AUTS2: variants seen among roughly 807,000 people sequenced by gnomAD.
AUTS2 encodes the protein autism susceptibility gene 2 protein.
Under a neutral mutation model 112.4 loss-of-function variants are expected in AUTS2, and 17 were observed. The observed-to-expected ratio is 0.15, with a 90% CI of 0.10 to 0.23. The LOEUF (loss-of-function observed/expected upper bound fraction) is 0.23. AUTS2 is among the 10% of genes least tolerant of loss of function. The pLI, the probability that AUTS2 is intolerant of heterozygous loss-of-function variation, is 1.00. For synonymous variants in AUTS2, 751 were observed against 702.7 expected (o/e 1.07, Z -1.09); for missense variants, 1,510 against 1,701.6 (o/e 0.89, Z 1.98).
intron 1 of AUTS2, among the ~76,000 whole-genome samples, chr7:69,808,116 C>T (rs983101991): frequency 5.9e-5 from 9 of 151,980 alleles, no homozygotes; most frequent in South Asian, 2.1e-4. Flanking sequence ...TTAGTAGAGA[C>T]GGGGTTTTAC....
intron 5 of AUTS2, among the ~76,000 whole-genome samples, chr7:70,480,355 G>C (rs1160151511): frequency 6.6e-6 from 1 of 152,180 alleles, no homozygotes; most frequent in South Asian, 2.1e-4. Flanking sequence ...GGTAGAAATA[G>C]CTCAGAAGAA....
chr7:70,330,664 G>C (rs1585025091), intron 4 of AUTS2, among the ~76,000 whole-genome samples: 1 of 151,230 alleles, frequency 6.6e-6, no homozygotes, highest in African/African-American at 2.5e-5. Context: ...TCTGCAAAAA[G>C]ATCACTAGAA....
intron 5 of AUTS2, among the ~76,000 whole-genome samples, chr7:70,492,335 T>TTA (rs34391284): frequency 0.54 from 81,874 of 151,778 alleles, 23,310 homozygotes; most frequent in African/African-American, 0.71. Flanking sequence ...GCTGTTCATG[T>TTA]TGACACTGAT....
At chr7:70,217,283 A>G (rs1207962330) in intron 4 of AUTS2, among the ~76,000 whole-genome samples, 1 of 152,136 alleles carries the variant, frequency 6.6e-6, no homozygotes, top group Non-Finnish European at 1.5e-5. Context: ...ATAACCTGGG[A>G]TCTTGTGTTG....
chr7:70,773,993 C>A, intron 11 of AUTS2, 35 bp from the exon 12 acceptor site: 1 of 1,604,758 alleles, frequency 6.2e-7, no homozygotes, highest in Non-Finnish European at 8.5e-7. Flanking sequence ...CTGTTTTGTG[C>A]TTCCTAAGTA....
At chr7:69,789,665 A>G (rs558067158) in intron 1 of AUTS2, among the ~76,000 whole-genome samples, 1 of 152,130 alleles carries the variant, frequency 6.6e-6, no homozygotes, top group African/African-American at 2.4e-5. Flanking sequence ...CATCAGATGA[A>G]GTAGGGGCTT....
intron 4 of AUTS2, among the ~76,000 whole-genome samples, chr7:70,417,010 G>A (rs1795014274): frequency 1.3e-5 from 2 of 152,192 alleles, no homozygotes. Flanking sequence ...GGTCTCAGTG[G>A]TGGGCCAGCA....
intron 1 of AUTS2, among the ~76,000 whole-genome samples, chr7:69,707,133 G>A (rs1250889201): frequency 6.6e-6 from 1 of 152,106 alleles, no homozygotes; most frequent in East Asian, 1.9e-4. Context: ...AACTGTAAAA[G>A]CAAGATTTTT....
intron 1 of AUTS2, among the ~76,000 whole-genome samples, chr7:69,759,247 G>GTTTTTGATTTTT (rs1262692872): frequency 6.6e-6 from 1 of 151,612 alleles, no homozygotes; most frequent in East Asian, 1.9e-4. Flanking sequence ...AGTGGTTCAG[G>GTTTTTGATTTTT]TTTTTGATTT....
chr7:70,695,275 C>T (rs555003170), intron 5 of AUTS2, among the ~76,000 whole-genome samples: 1 of 152,260 alleles, frequency 6.6e-6, no homozygotes, highest in South Asian at 2.1e-4. Flanking sequence ...CTCGGCCGGC[C>T]GGGCTCGGCC....
At chr7:70,551,634 G>A (rs1028293810) in intron 5 of AUTS2, among the ~76,000 whole-genome samples, 8 of 152,120 alleles carry the variant, frequency 5.3e-5, no homozygotes, top group Non-Finnish European at 1.0e-4. Context: ...AATGTAATGG[G>A]CCACCCTAGA....
intron 5 of AUTS2, among the ~76,000 whole-genome samples, chr7:70,442,649 G>A (rs570742443): frequency 6.6e-6 from 1 of 152,096 alleles, no homozygotes; most frequent in Admixed American, 6.5e-5. Flanking sequence ...CACCATGCCT[G>A]GCTAATTTTT....
At chr7:69,642,270 A>C (rs1261488528) in intron 1 of AUTS2, among the ~76,000 whole-genome samples, 3 of 152,160 alleles carry the variant, frequency 2.0e-5, no homozygotes, top group East Asian at 3.8e-4. Context: ...TGCAGTTCTT[A>C]TCCTATTTTT....
intron 5 of AUTS2, among the ~76,000 whole-genome samples, chr7:70,517,888 C>T (rs2129494233): frequency 6.6e-6 from 1 of 152,202 alleles, no homozygotes; most frequent in Non-Finnish European, 1.5e-5. Flanking sequence ...AAATTGCTCA[C>T]TTAAGCTCTG....
At chr7:70,577,708 T>C (rs1802230097) in intron 5 of AUTS2, among the ~76,000 whole-genome samples, 1 of 152,208 alleles carries the variant, frequency 6.6e-6, no homozygotes, top group Non-Finnish European at 1.5e-5. Context: ...GTCTGGAGAC[T>C]CTCTAATCAC....
chr7:69,887,811 T>C (rs1330798198), intron 1 of AUTS2, among the ~76,000 whole-genome samples: 1 of 152,220 alleles, frequency 6.6e-6, no homozygotes, highest in East Asian at 1.9e-4. Flanking sequence ...AATTATAATT[T>C]GGCCTTGATA....
intron 4 of AUTS2, among the ~76,000 whole-genome samples, chr7:70,312,024 G>T (rs557072203): frequency 7.2e-5 from 11 of 151,936 alleles, no homozygotes; most frequent in African/African-American, 2.7e-4. Flanking sequence ...ACACTTGGCC[G>T]ATTTTTGTAT....
At chr7:70,778,874 C>T (rs980316293) in intron 14 of AUTS2, among the ~76,000 whole-genome samples, 1 of 152,184 alleles carries the variant, frequency 6.6e-6, no homozygotes, top group Non-Finnish European at 1.5e-5. Context: ...GCACATCTTC[C>T]TTGTAACTTC....
intron 5 of AUTS2, among the ~76,000 whole-genome samples, chr7:70,475,222 T>C (rs1281273240): frequency 6.6e-6 from 1 of 152,162 alleles, no homozygotes; most frequent in African/African-American, 2.4e-5. Flanking sequence ...ATCCCTAACA[T>C]GCAAAAATTT....
Sources: gnomAD v4.1 joint callset for allele counts (sites outside exome capture counted in the v4.1 genomes callset) on GRCh38, gnomAD v4.1.1 for gene constraint, MANE v1.5 for transcripts, NCBI Gene and HGNC (gene_info 2026-07-23, HGNC 2026-07-21) for gene names.